Variants in COL23A1 observed in about 807,000 individuals in gnomAD.
COL23A1 encodes the protein collagen type XXIII alpha 1 chain.
In COL23A1, 97 loss-of-function variants were observed where a neutral mutation model predicts 99.3. The ratio of observed to expected loss-of-function variants is 0.98; its 90% CI spans 0.83 to 1.16. COL23A1 has a LOEUF of 1.16. COL23A1 is among the 50% of genes most tolerant of loss of function. The pLI is 0.00. For missense variants in COL23A1, 762 were observed against 757.4 expected (o/e 1.01, Z -0.07); for synonymous variants, 320 against 308.2 (o/e 1.04, Z -0.40).
chr5:178,532,861 C>T (rs556136514), intron 2 of COL23A1, among the ~76,000 whole-genome samples: 32 of 152,268 alleles, frequency 2.1e-4, no homozygotes, highest in Admixed American at 4.6e-4. Context: ...AAGGCAGCTG[C>T]CTACAAGCCA....
chr5:178,394,529 C>T lies in COL23A1; in HGVS notation c.362-87610G>A, dbSNP rs568891680. 5.9e-5 allele frequency among the ~76,000 whole-genome samples: 9 copies of T among 152,338 alleles called. No individual in the cohort carries two copies. The East Asian group carries it at 1.7e-3, about 29-fold the overall frequency. ...AGAAATTAACTCATTTCAAAAGCCACGATGTTCCGGCCTCAACATGGTGTT... is the reference window on the plus strand; with the variant it reads ...AGAAATTAACTCATTTCAAAAGCCATGATGTTCCGGCCTCAACATGGTGTT... On this transcript the variant is annotated intron_variant, in intron 2 of 28. Transcript: ENST00000390654.
chr5:178,426,077 C>G (rs1765918668), intron 2 of COL23A1, among the ~76,000 whole-genome samples: 1 of 152,160 alleles, frequency 6.6e-6, no homozygotes. Context: ...CCTTCAGTGT[C>G]TTTGTAGAAG....
intron 2 of COL23A1, among the ~76,000 whole-genome samples, chr5:178,431,744 C>T (rs1161583014): frequency 4.6e-5 from 7 of 152,304 alleles, no homozygotes; most frequent in South Asian, 2.1e-4. Flanking sequence ...TGCAAACTTC[C>T]GGCCTCAGGA....
intron 2 of COL23A1, among the ~76,000 whole-genome samples, chr5:178,364,628 G>C (rs1466708715): frequency 1.3e-5 from 2 of 152,198 alleles, no homozygotes; most frequent in East Asian, 3.9e-4. Flanking sequence ...CTAGAAGGGT[G>C]GTCGGGGAGG....
intron 2 of COL23A1, among the ~76,000 whole-genome samples, chr5:178,426,063 G>T (rs1025879269): frequency 6.6e-6 from 1 of 152,160 alleles, no homozygotes; most frequent in African/African-American, 2.4e-5. Flanking sequence ...CATTCCTGCC[G>T]CTTCCTTCAG....
intron 2 of COL23A1, among the ~76,000 whole-genome samples, chr5:178,382,215 G>A (rs1377365693): frequency 6.6e-6 from 1 of 152,106 alleles, no homozygotes; most frequent in Non-Finnish European, 1.5e-5. Context: ...AGTGGTGGGG[G>A]CACAGAGTCC....
At position 178,256,382 on chromosome 5, in the gene COL23A1, G is replaced by A. The variant is rs750005301; in HGVS notation, c.853C>T (p.Arg285Ter). 6.8e-6 allele frequency: 11 copies of A among 1,606,582 alleles called. No individual in the cohort carries two copies. Among genetic ancestry groups the A allele is most frequent in the Non-Finnish European group, 9.4e-6 (11 of 1,175,982 alleles). The change falls in exon 15 of 29, where the codon CGA becomes TGA. Residue 285 changes from arginine (R) to a stop codon, truncating the protein, a stop_gained. Coordinates refer to ENST00000390654, the MANE Select transcript of COL23A1 (RefSeq NM_173465.4). LOFTEE classifies it high-confidence loss of function. ...APGPKGEPGH[R>*]GTDGAAGPRG... ...GGCCCTGCAGCTCCATCCGTGCCTC[G>A]GTGGCCAGGCTCCCCCTGTGGAGAC...
At chr5:178,363,134 G>C (rs1762264719) in intron 2 of COL23A1, among the ~76,000 whole-genome samples, 1 of 151,872 alleles carries the variant, frequency 6.6e-6, no homozygotes, top group South Asian at 2.1e-4. Flanking sequence ...ACAAGCAACA[G>C]TGTCCTAACA....
At chr5:178,551,630 C>G (rs1762008275) in intron 2 of COL23A1, among the ~76,000 whole-genome samples, 1 of 152,190 alleles carries the variant, frequency 6.6e-6, no homozygotes, top group South Asian at 2.1e-4. Flanking sequence ...CCTCTCACAG[C>G]TGTTCCCGGC....
intron 2 of COL23A1, among the ~76,000 whole-genome samples, chr5:178,379,937 A>C (rs1376032221): frequency 6.6e-6 from 1 of 152,036 alleles, no homozygotes; most frequent in Non-Finnish European, 1.5e-5. Flanking sequence ...ATAACTACCC[A>C]TTTAGTTCAA....
At chr5:178,557,342 A>G (rs1221014888) in intron 2 of COL23A1, among the ~76,000 whole-genome samples, 2 of 152,220 alleles carry the variant, frequency 1.3e-5, no homozygotes, top group African/African-American at 4.8e-5. Context: ...CAAAGGTCAC[A>G]TTCACAGGTA....
At position 178,263,221 on chromosome 5, in the gene COL23A1, G is replaced by A. The variant is rs777803163; in HGVS notation, c.626C>T (p.Ala209Val). 24 of 1,613,326 alleles carry A rather than the reference G, an allele frequency of 1.5e-5. No homozygotes were observed. The South Asian group carries it at 2.5e-4, about 17-fold the overall frequency. ...GDTGKDGPRG[A>V]QGPAGPKGEP... ...GCCCTCTCTTACCGCTGGGCCTTGT[G>A]CTCCCCTGGGGCCATCTTTCCCAGT... Residue 209 changes from alanine (A) to valine (V), a missense_variant, in exon 9 of 29, where the codon GCA becomes GTA. Transcript: ENST00000390654.
At chr5:178,477,685 T>G (rs898072705) in intron 2 of COL23A1, among the ~76,000 whole-genome samples, 3 of 151,966 alleles carry the variant, frequency 2.0e-5, no homozygotes, top group Non-Finnish European at 1.5e-5. Context: ...CCTCTGCGAG[T>G]GAAAACATGT....
At position 178,242,107 on chromosome 5, in the gene COL23A1, G is replaced by A. The variant is rs201065091; in HGVS notation, c.1516C>T (p.Arg506Trp). The A allele has an allele frequency of 2.8e-5, 44 of 1,553,402 alleles. No individual in the cohort carries two copies. Among genetic ancestry groups the A allele is most frequent in the South Asian group, 5.9e-5 (5 of 84,224 alleles). ...GEKGERGVPG[R>W]KGVKGQKGEP... ...CCCTTCTGGCCCTTCACTCCTTTCC[G>A]GCCGGGGACCCCTCGTTCTCCCTGT... The change falls in exon 27 of 29, where the codon CGG becomes TGG. Residue 506 changes from arginine (R) to tryptophan (W), a missense_variant. Coordinates refer to ENST00000390654, the MANE Select transcript of COL23A1 (RefSeq NM_173465.4).
At chr5:178,382,134 G>A (rs1387640616) in intron 2 of COL23A1, among the ~76,000 whole-genome samples, 1 of 152,134 alleles carries the variant, frequency 6.6e-6, no homozygotes, top group Non-Finnish European at 1.5e-5. Flanking sequence ...CACAGTCCCT[G>A]GGGGGCTGAG....
At chr5:178,500,174 G>GT (rs1562027421) in intron 2 of COL23A1, among the ~76,000 whole-genome samples, 1 of 152,086 alleles carries the variant, frequency 6.6e-6, no homozygotes, top group African/African-American at 2.4e-5. Context: ...TGATGTATAT[G>GT]TTTATTTTCT....
At chr5:178,506,860 C>A (rs1430245529) in intron 2 of COL23A1, among the ~76,000 whole-genome samples, 2 of 152,132 alleles carry the variant, frequency 1.3e-5, no homozygotes, top group African/African-American at 4.8e-5. Flanking sequence ...CTCTTTGTCC[C>A]ACTTGGAATG....
intron 2 of COL23A1, among the ~76,000 whole-genome samples, chr5:178,487,506 T>C (rs1757702096): frequency 6.6e-6 from 1 of 151,900 alleles, no homozygotes; most frequent in Admixed American, 6.6e-5. Context: ...TCAGCCTCAG[T>C]ATTATTTTAA....
intron 22 of COL23A1, among the ~76,000 whole-genome samples, chr5:178,247,209 A>G (rs1471304820): frequency 6.6e-6 from 1 of 152,114 alleles, no homozygotes; most frequent in Non-Finnish European, 1.5e-5. Context: ...AGTGCAAGGA[A>G]CTGACAGGCA....
Sources: gnomAD v4.1 joint callset for allele counts (sites outside exome capture counted in the v4.1 genomes callset) on GRCh38, gnomAD v4.1.1 for gene constraint, MANE v1.5 for transcripts, NCBI Gene and HGNC (gene_info 2026-07-23, HGNC 2026-07-21) for gene names.